The following TBCD variants were observed in gnomAD, a reference collection of about 807,000 sequenced individuals.
TBCD encodes the protein tubulin-specific chaperone D.
TBCD carries 105 observed loss-of-function variants against 169.3 expected under a neutral mutation model. The observed-to-expected ratio is 0.62, with a 90% CI of 0.53 to 0.73. The LOEUF is 0.73. Among genes scored for constraint, TBCD ranks in the 30% least tolerant of loss-of-function variants. TBCD has a pLI of 0.00. For missense variants in TBCD, 1,444 were observed against 1,600.1 expected, an observed-to-expected ratio of 0.90 and a Z score of 1.66; for synonymous variants, 700 against 643.9, an observed-to-expected ratio of 1.09 and a Z score of -1.32.
intron 6 of TBCD, among the ~76,000 whole-genome samples, chr17:82,774,776 C>T (rs1024161059): frequency 1.3e-5 from 2 of 152,172 alleles, no homozygotes; most frequent in South Asian, 2.1e-4. Flanking sequence ...AAACAGTCCA[C>T]GTAAAATTGT....
intron 13 of TBCD, among the ~76,000 whole-genome samples, chr17:82,849,479 G>A (rs563755695): frequency 1.8e-4 from 28 of 152,112 alleles, no homozygotes; most frequent in Non-Finnish European, 4.4e-5. Flanking sequence ...TTGTTTCCTC[G>A]CTGTGGTTTT....
chr17:82,908,262 C>T, intron 21 of TBCD: 1 of 455,638 alleles, frequency 2.2e-6, no homozygotes, highest in South Asian at 1.6e-5. Flanking sequence ...GAGTTGGGGG[C>T]ACACAGAACG....
rs1219159302 is a variant in TBCD at position 82,920,419 on chromosome 17, C to G, written c.2039-137C>G. 17 of 721,270 alleles carry G rather than the reference C, an allele frequency of 2.4e-5. No individual in the cohort carries two copies. The African/African-American group carries it at 2.9e-4, about 12-fold the overall frequency. The allele number at this position is 721,270 out of a possible 1,614,324, so 44.7% of individuals were successfully genotyped here. A position where few individuals can be genotyped will look rare whatever the true frequency, so the allele number is the denominator to read the frequency against. ...AAATGGTTCTGGGATGTTTCCAGCC[C>G]TGGCAGCAGGGTAGGTTGGGCGGGT... On this transcript the variant is annotated intron_variant, in intron 23 of 38. Transcript: ENST00000355528. The surrounding 1 kb of genome is among the most constrained non-coding windows in gnomAD (Gnocchi z 4.1).
At chr17:82,871,295 A>G (rs994355858) in intron 14 of TBCD, among the ~76,000 whole-genome samples, 1 of 152,206 alleles carries the variant, frequency 6.6e-6, no homozygotes, top group African/African-American at 2.4e-5. Context: ...GGTTTTGTAC[A>G]CTGCTTTTGG....
Position 82,768,506 on chromosome 17 carries a change from C to T in TBCD, c.522C>T (p.Leu174=), listed in dbSNP as rs2048138727. ...ATTTTTCTCGCCTTGACGGGAACCTCCTCACCCAGCCTGGGCAAGCACGAA... is the reference window on the plus strand; with the variant it reads ...ATTTTTCTCGCCTTGACGGGAACCTTCTCACCCAGCCTGGGCAAGCACGAA... ...PFDFSRLDGN[L]LTQPGQARMS... The change falls in exon 5 of 39, where the codon CTC becomes CTT. Residue 174 remains leucine (L), a synonymous_variant. Transcript: ENST00000355528. The T allele has an allele frequency of 6.2e-7, 1 of 1,613,750 alleles. No individual in the cohort carries two copies. The highest frequency in any genetic ancestry group is 1.3e-5 in the African/African-American group (1 of 75,024).
At chr17:82,860,128 A>G (rs960634281) in intron 13 of TBCD, among the ~76,000 whole-genome samples, 3 of 152,184 alleles carry the variant, frequency 2.0e-5, no homozygotes, top group Admixed American at 2.0e-4. Flanking sequence ...CTGGCCCCTG[A>G]CTTCCTGGTT....
At chr17:82,792,482 C>T (rs1465456234) in intron 7 of TBCD, among the ~76,000 whole-genome samples, 1 of 152,194 alleles carries the variant, frequency 6.6e-6, no homozygotes, top group Non-Finnish European at 1.5e-5. Flanking sequence ...GTGCGATACA[C>T]TGTCATGAAC....
intron 14 of TBCD, among the ~76,000 whole-genome samples, chr17:82,875,644 C>T (rs1477708086): frequency 1.3e-5 from 2 of 152,348 alleles, no homozygotes; most frequent in South Asian, 2.1e-4. Flanking sequence ...TCCGAGATCT[C>T]TTCCTCGGGG....
At chr17:82,763,666 G>C (rs1157558274) in intron 2 of TBCD, among the ~76,000 whole-genome samples, 1 of 152,098 alleles carries the variant, frequency 6.6e-6, no homozygotes, top group Non-Finnish European at 1.5e-5. Context: ...GCCTGAACCC[G>C]GGAGGTGGAG....
intron 17 of TBCD, among the ~76,000 whole-genome samples, chr17:82,896,583 A>G (rs2059502122): frequency 6.7e-6 from 1 of 149,336 alleles, no homozygotes; most frequent in Non-Finnish European, 1.5e-5. Context: ...CTCCCACCTC[A>G]GCCTCCCGAG....
chr17:82,937,615 G>A, intron 35 of TBCD: 1 of 596,392 alleles, frequency 1.7e-6, no homozygotes, highest in Non-Finnish European at 3.0e-6. Context: ...GGCGGGAGGG[G>A]AGGCTCCGGA....
At chr17:82,887,154 TGTGTGTGTGTGTGTGCGCGCGCGC>T (rs1438987581) in intron 15 of TBCD, among the ~76,000 whole-genome samples, 1,873 of 111,864 alleles carry the variant, frequency 0.017, 63 homozygotes, top group African/African-American at 0.07. Flanking sequence ...TGTGTGTGTG[TGTGTGTGTGTGTGTGCGCGCGCGC>T]GCACGTGCGC....
At position 82,830,383 on chromosome 17, in the gene TBCD, T is replaced by C. The variant is rs571744171; in HGVS notation, c.1318+15449T>C. The C allele has an allele frequency of 1.9e-6, 3 of 1,612,600 alleles. No individual in the cohort carries two copies. The Admixed American group carries it at 5.0e-5, about 27-fold the overall frequency. On this transcript the variant is annotated intron_variant, in intron 13 of 38. Transcript: ENST00000355528. ...GCCCACCCGGATGTTCCTGGGGCTG[T>C]AGGCCGCCAGCTGGCACAGGGCCAC...
chr17:82,782,847 C>T lies in TBCD; in HGVS notation c.771+1126C>T, dbSNP rs1197047583. ...CTGTCTGCGGTGGCGTCCTCCTGTC[C>T]GCAGAGGCGTCCTCATGTCCTCAGT... On this transcript the variant is annotated intron_variant, in intron 7 of 38. Transcript: ENST00000355528. The surrounding 1 kb of genome is among the most constrained non-coding windows in gnomAD (Gnocchi z 5.1). Among the ~76,000 whole-genome samples the T allele has an allele frequency of 2.7e-5, 4 of 150,740 alleles. No individual in the cohort carries two copies. The highest frequency in any genetic ancestry group is 5.9e-5 in the Non-Finnish European group (4 of 67,596).
chr17:82,860,305 A>G, intron 13 of TBCD: 1 of 943,396 alleles, frequency 1.1e-6, no homozygotes, highest in South Asian at 4.9e-5. Flanking sequence ...CATGGCGGTC[A>G]CGCTGCGCTG....
chr17:82,807,667 G>T lies in TBCD; in HGVS notation c.1147G>T (p.Gly383Cys). The change falls in exon 11 of 39, where the codon GGC (glycine) becomes TGC (cysteine). Residue 383 changes from glycine (G) to cysteine (C), a missense_variant and splice_region_variant. By Grantham distance (159) the Gly-to-Cys change is radical. Transcript: ENST00000355528. ...GGTCGTGCGGTGGTCTGCAGCCAAG[G>T]GGTAGGTGTCTGTGGCCGCAGAAGC... Reference protein sequence around the residue: ...DTVVRWSAAKGIGRMAGRLPR... With the variant: ...DTVVRWSAAKCIGRMAGRLPR... 1 of 1,523,602 alleles carries T rather than the reference G, an allele frequency of 6.6e-7. No homozygotes were observed. The highest frequency in any genetic ancestry group is 8.8e-7 in the Non-Finnish European group (1 of 1,131,938). The allele number at this position is 1,523,602 out of a possible 1,614,324, so 94.4% of individuals were successfully genotyped here. A position where few individuals can be genotyped will look rare whatever the true frequency, so the allele number is the denominator to read the frequency against.
chr17:82,903,408 C>T lies in TBCD; in HGVS notation c.1734C>T (p.Val578=). 2 of 1,601,562 alleles carry T rather than the reference C, an allele frequency of 1.2e-6. No homozygotes were observed. Among genetic ancestry groups the T allele is most frequent in the Non-Finnish European group, 1.7e-6 (2 of 1,174,062 alleles). The change falls in exon 19 of 39, where the codon GTC becomes GTT. Residue 578 remains valine, a synonymous_variant. Transcript: ENST00000355528. This position sits in a 1 kb window ranked among gnomAD's most constrained non-coding sequence, Gnocchi z 4.8. The stretch of plus-strand genomic sequence containing the variant: ...GACATTCTCTCCTCACTCTCAGGGT[C>T]ATCCGAGAGTTGGCTGCGAGGGCGC... ...VTMKISHWDG[V]IRELAARALH...
intron 13 of TBCD, chr17:82,838,661 T>G (rs908938560): frequency 1.0e-6 from 1 of 985,354 alleles, no homozygotes; most frequent in African/African-American, 1.7e-5. Context: ...AGTGATTGAC[T>G]GCCACTCCCT....
intron 13 of TBCD, among the ~76,000 whole-genome samples, chr17:82,852,481 C>G (rs1472142590): frequency 6.6e-6 from 1 of 152,152 alleles, no homozygotes; most frequent in Non-Finnish European, 1.5e-5. Flanking sequence ...CGGCAGCAGG[C>G]TCGGTTTCTT....
Sources: gnomAD v4.1 joint callset for allele counts (sites outside exome capture counted in the v4.1 genomes callset) on GRCh38, gnomAD v4.1.1 for gene constraint, Gnocchi (gnomAD v3.1) non-coding constraint, MANE v1.5 for transcripts, NCBI Gene and HGNC (gene_info 2026-07-23, HGNC 2026-07-21) for gene names.